The following PLA2G4A variants were observed in gnomAD, a reference collection of about 807,000 sequenced individuals.
PLA2G4A encodes the protein phospholipase A2 group IVA, also known as cytosolic phospholipase A2.
A neutral mutation model predicts 81.9 loss-of-function variants in PLA2G4A; 40 were observed. The ratio of observed to expected loss-of-function variants is 0.49; its 90% CI spans 0.38 to 0.64. The LOEUF (loss-of-function observed/expected upper bound fraction) is 0.64, where lower values mean the gene tolerates loss of function less well. Ranked by LOEUF, PLA2G4A falls within the 30% of genes least tolerant of loss-of-function variation. PLA2G4A has a pLI of 0.00. For missense variants in PLA2G4A, 715 were observed against 905.1 expected, an observed-to-expected ratio of 0.79 and a Z score of 2.69; for synonymous variants, 302 against 296.9, an observed-to-expected ratio of 1.02 and a Z score of -0.18.
intron 1 of PLA2G4A, among the ~76,000 whole-genome samples, chr1:186,829,548 A>T (rs1651476018): frequency 6.6e-6 from 1 of 152,208 alleles, no homozygotes; most frequent in Non-Finnish European, 1.5e-5. Flanking sequence ...TATGCGAAAG[A>T]AAGAGGATTA....
chr1:186,858,661 T>G (rs1161574642), intron 2 of PLA2G4A, among the ~76,000 whole-genome samples: 1 of 152,134 alleles, frequency 6.6e-6, no homozygotes, highest in Non-Finnish European at 1.5e-5. Context: ...TTGAAAATTT[T>G]GTTAACTATA....
At chr1:186,830,937 GCTTGCTTGCTTGCTTGCTTGCTTT>G (rs1440870368) in intron 1 of PLA2G4A, among the ~76,000 whole-genome samples, 3 of 45,600 alleles carry the variant, frequency 6.6e-5, no homozygotes, top group African/African-American at 2.0e-4. Flanking sequence ...AGATTGTATA[GCTTGCTTGCTTGCTTGCTTGCTTT>G]CTTTCTTTCT....
intron 2 of PLA2G4A, among the ~76,000 whole-genome samples, chr1:186,865,351 A>AATGCTG (rs1184048413): frequency 1.3e-5 from 2 of 152,244 alleles, no homozygotes; most frequent in Non-Finnish European, 1.5e-5. Context: ...AAAAATAGAT[A>AATGCTG]ATGCTGATCA....
chr1:186,855,121 T>G (rs544174760), intron 2 of PLA2G4A, among the ~76,000 whole-genome samples: 2 of 152,138 alleles, frequency 1.3e-5, no homozygotes, highest in Non-Finnish European at 2.9e-5. Flanking sequence ...AAAAGTTTAA[T>G]ATATTATAAT....
chr1:186,948,099 A>C (rs566160010), intron 12 of PLA2G4A, among the ~76,000 whole-genome samples: 1 of 152,282 alleles, frequency 6.6e-6, no homozygotes, highest in East Asian at 1.9e-4. Flanking sequence ...TAATTTATTT[A>C]ATATTTGTAT....
chr1:186,918,454 A>G (rs1655226763), intron 7 of PLA2G4A, among the ~76,000 whole-genome samples: 1 of 152,226 alleles, frequency 6.6e-6, no homozygotes, highest in South Asian at 2.1e-4. Flanking sequence ...ACCTTCACTG[A>G]GTTCTACAGC....
At chr1:186,875,794 C>T (rs2223307) in intron 3 of PLA2G4A, among the ~76,000 whole-genome samples, 92,895 of 151,918 alleles carry the variant, frequency 0.61, 30,114 homozygotes, top group Non-Finnish European at 0.74. Flanking sequence ...TTCTCTCCTG[C>T]AAAGAGCTTT....
chr1:186,882,936 T>C (rs1653792828), intron 3 of PLA2G4A, among the ~76,000 whole-genome samples: 1 of 152,058 alleles, frequency 6.6e-6, no homozygotes, highest in South Asian at 2.1e-4. Context: ...TTAGAAAAGA[T>C]GACATCATTA....
chr1:186,919,291 T>C (rs955064065), intron 7 of PLA2G4A, among the ~76,000 whole-genome samples: 3 of 152,222 alleles, frequency 2.0e-5, no homozygotes, highest in African/African-American at 7.2e-5. Context: ...ACTTGCCTTC[T>C]GGTTCCAGGT....
intron 3 of PLA2G4A, among the ~76,000 whole-genome samples, chr1:186,892,150 T>A (rs559253164): frequency 6.6e-6 from 1 of 152,318 alleles, no homozygotes; most frequent in East Asian, 1.9e-4. Context: ...TTAGATGTTT[T>A]TCTACAGTTT....
chr1:186,964,572 G>C (rs1276248359), intron 14 of PLA2G4A, among the ~76,000 whole-genome samples: 1 of 152,038 alleles, frequency 6.6e-6, no homozygotes, highest in African/African-American at 2.4e-5. Context: ...TAGGTGGCCT[G>C]TTCCGTATCA....
intron 3 of PLA2G4A, among the ~76,000 whole-genome samples, chr1:186,873,247 A>G (rs1377270711): frequency 2.0e-5 from 3 of 152,122 alleles, no homozygotes; most frequent in African/African-American, 4.8e-5. Context: ...CACTTTTCTG[A>G]GAGGAATTTT....
chr1:186,922,397 G>A (rs917492830), intron 7 of PLA2G4A, among the ~76,000 whole-genome samples: 5 of 152,176 alleles, frequency 3.3e-5, no homozygotes, highest in Middle Eastern at 3.2e-3. Context: ...AAGTTCCAAA[G>A]ACTAGTCTTA....
rs573324528 is a variant in PLA2G4A, at chr1:186,857,444, ATAT to A, written c.33+3058_33+3060del. On this transcript the variant is annotated intron_variant, in intron 2 of 17. Coordinates refer to ENST00000367466, the MANE Select transcript of PLA2G4A (RefSeq NM_024420.3). Reference sequence around the variant, plus strand: ...ATAATATATACTATATAAATATATAATATAATATATAATATATAACATGTATAA... The same window carrying A: ...ATAATATATACTATATAAATATATAAAATATATAATATATAACATGTATAA... 7.5e-4 allele frequency among the ~76,000 whole-genome samples: 98 copies of A among 131,018 alleles called. 1 individual carries two copies. Among genetic ancestry groups the A allele is most frequent in the African/African-American group, 2.7e-3 (96 of 34,932 alleles). 86.0% of individuals were successfully genotyped at this position (131,018 alleles called of 152,430 possible). A position where few individuals can be genotyped will look rare whatever the true frequency, so the allele number is the denominator to read the frequency against.
intron 2 of PLA2G4A, among the ~76,000 whole-genome samples, chr1:186,859,843 T>C (rs1652733558): frequency 6.6e-6 from 1 of 152,018 alleles, no homozygotes; most frequent in Non-Finnish European, 1.5e-5. Context: ...AAATAGGGTA[T>C]GAATAGGACC....
intron 1 of PLA2G4A, among the ~76,000 whole-genome samples, chr1:186,851,635 T>G (rs1175168558): frequency 6.6e-6 from 1 of 151,910 alleles, no homozygotes; most frequent in Non-Finnish European, 1.5e-5. Flanking sequence ...ATGCTGATAA[T>G]GGGAAGTGCT....
intron 3 of PLA2G4A, among the ~76,000 whole-genome samples, chr1:186,871,626 AC>A (rs1368124004): frequency 6.6e-6 from 1 of 152,096 alleles, no homozygotes; most frequent in Admixed American, 6.6e-5. Context: ...AGGAGCTAGA[AC>A]CGACCCAATA....
At chr1:186,946,479 T>C (rs911046944) in intron 10 of PLA2G4A, among the ~76,000 whole-genome samples, 158 bp from the exon 11 acceptor site, 1 of 152,120 alleles carries the variant, frequency 6.6e-6, no homozygotes, top group Admixed American at 6.6e-5. Context: ...CTACACAATG[T>C]CATATACATA....
intron 1 of PLA2G4A, among the ~76,000 whole-genome samples, chr1:186,831,368 G>T (rs1270006430): frequency 6.6e-6 from 1 of 152,032 alleles, no homozygotes; most frequent in African/African-American, 2.4e-5. Context: ...CAAGCAACTT[G>T]GTATAATGGA....
Sources: gnomAD v4.1 joint callset for allele counts (sites outside exome capture counted in the v4.1 genomes callset) on GRCh38, gnomAD v4.1.1 for gene constraint, MANE v1.5 for transcripts, NCBI Gene and HGNC (gene_info 2026-07-23, HGNC 2026-07-21) for gene names.